CCL28: variants seen among roughly 807,000 people sequenced by gnomAD.
CCL28 encodes C-C motif chemokine 28.
A neutral mutation model predicts 7.1 loss-of-function variants in CCL28; 4 were observed. The observed-to-expected ratio is 0.56, with a 90% CI of 0.28 to 1.29. The LOEUF (loss-of-function observed/expected upper bound fraction) is 1.29. CCL28 is among the 50% of genes most tolerant of loss of function. CCL28 has a pLI of 0.11. For missense variants in CCL28, 151 were observed against 163.4 expected, an observed-to-expected ratio of 0.92 and a Z score of 0.41; for synonymous variants, 55 against 57.8, an observed-to-expected ratio of 0.95 and a Z score of 0.22.
At chr5:43,398,316 T>A (rs571259831) in intron 1 of CCL28, among the ~76,000 whole-genome samples, 4 of 152,284 alleles carry the variant, frequency 2.6e-5, no homozygotes, top group Non-Finnish European at 5.9e-5. Context: ...CTTCACCTCC[T>A]GGCGTCAAGT....
At chr5:43,395,487 G>A (rs1457234840) in intron 1 of CCL28, among the ~76,000 whole-genome samples, 1 of 152,036 alleles carries the variant, frequency 6.6e-6, no homozygotes, top group Non-Finnish European at 1.5e-5. Context: ...GACCAGCCTG[G>A]GCAACATAGT....
chr5:43,382,797 T>G (rs956774925), intron 2 of CCL28, among the ~76,000 whole-genome samples: 2 of 152,112 alleles, frequency 1.3e-5, no homozygotes, highest in African/African-American at 2.4e-5. Flanking sequence ...AGAATGTGCT[T>G]TCATTTTCAT....
At chr5:43,391,897 G>C (rs752073028) in intron 1 of CCL28, among the ~76,000 whole-genome samples, 45 of 152,026 alleles carry the variant, frequency 3.0e-4, no homozygotes, top group Non-Finnish European at 5.6e-4. Context: ...AAATAGTGGG[G>C]CTGGAATTTG....
the CCL28 span, among the ~76,000 whole-genome samples, chr5:43,363,072 T>C: frequency 6.6e-6 from 1 of 152,218 alleles, no homozygotes; most frequent in Non-Finnish European, 1.5e-5. Flanking sequence ...TTACAAGAAC[T>C]AGAGTATTTC....
At chr5:43,409,493 A>T (rs1322279077) in intron 1 of CCL28, among the ~76,000 whole-genome samples, 2 of 152,162 alleles carry the variant, frequency 1.3e-5, no homozygotes, top group Non-Finnish European at 2.9e-5. Flanking sequence ...CACCTATGTC[A>T]GACCTCTTAG....
chr5:43,357,967 T>C, the CCL28 span, among the ~76,000 whole-genome samples: 2 of 152,236 alleles, frequency 1.3e-5, no homozygotes, highest in African/African-American at 4.8e-5. Flanking sequence ...TTGTTTCTGC[T>C]GCCCTGTCAC....
chr5:43,371,799 C>T (rs1739791565), downstream of CCL28, among the ~76,000 whole-genome samples: 1 of 152,200 alleles, frequency 6.6e-6, no homozygotes. Context: ...ACTTATTATA[C>T]ATTAATGGAT....
At chr5:43,365,873 C>T in the CCL28 span, among the ~76,000 whole-genome samples, 4 of 152,196 alleles carry the variant, frequency 2.6e-5, 1 homozygote, top group South Asian at 8.3e-4. Flanking sequence ...ATTCTTTTTT[C>T]TCTAATCTTG....
the CCL28 span, among the ~76,000 whole-genome samples, chr5:43,357,816 G>C: frequency 6.6e-6 from 1 of 152,044 alleles, no homozygotes; most frequent in African/African-American, 2.4e-5. Context: ...TGCAAGACAG[G>C]GGCATGTTAT....
chr5:43,392,212 G>T (rs1318617057), intron 1 of CCL28, among the ~76,000 whole-genome samples: 1 of 152,168 alleles, frequency 6.6e-6, no homozygotes, highest in East Asian at 1.9e-4. Context: ...CGTCTCCGGG[G>T]TTCAAGAGAT....
downstream of CCL28, among the ~76,000 whole-genome samples, chr5:43,378,350 C>CA (rs201915326): frequency 1.1e-4 from 16 of 151,128 alleles, no homozygotes; most frequent in African/African-American, 3.6e-4. Context: ...GACCCTGTCT[C>CA]AAAAAAAAGG....
At chr5:43,395,855 CTTTTT>C (rs35785846) in intron 1 of CCL28, among the ~76,000 whole-genome samples, 2 of 94,234 alleles carry the variant, frequency 2.1e-5, no homozygotes, top group African/African-American at 4.2e-5. Flanking sequence ...TACCCCCCGC[CTTTTT>C]TTTTTTTTTT....
chr5:43,392,092 C>A (rs1490572632), intron 1 of CCL28, among the ~76,000 whole-genome samples: 2 of 151,248 alleles, frequency 1.3e-5, no homozygotes, highest in African/African-American at 4.9e-5. Flanking sequence ...GAGGCTTGAA[C>A]ATTTGCATAT....
the CCL28 span, among the ~76,000 whole-genome samples, chr5:43,367,337 G>A: frequency 6.6e-6 from 1 of 152,194 alleles, no homozygotes. Flanking sequence ...CCAGTTTTGT[G>A]CTTGAAACCC....
At chr5:43,405,249 A>G (rs1741222380) in intron 1 of CCL28, among the ~76,000 whole-genome samples, 1 of 152,210 alleles carries the variant, frequency 6.6e-6, no homozygotes, top group African/African-American at 2.4e-5. Flanking sequence ...AGTTGGAAGT[A>G]AAGCACTGCT....
chr5:43,404,366 A>C (rs186301565), intron 1 of CCL28, among the ~76,000 whole-genome samples: 4 of 152,344 alleles, frequency 2.6e-5, no homozygotes, highest in Non-Finnish European at 5.9e-5. Flanking sequence ...ACATTCTTAA[A>C]GAAAAGAATT....
At chr5:43,376,109 T>A (rs773986781), downstream of CCL28, among the ~76,000 whole-genome samples, 13 of 152,258 alleles carry the variant, frequency 8.5e-5, no homozygotes, top group Non-Finnish European at 1.5e-4. Context: ...TCAACTGATT[T>A]GTGACCTTAA....
intron 1 of CCL28, among the ~76,000 whole-genome samples, chr5:43,399,496 A>AC (rs1740944171): frequency 6.6e-6 from 1 of 151,922 alleles, no homozygotes; most frequent in African/African-American, 2.4e-5. Context: ...CATCTTTGTA[A>AC]CCCCCCACCA....
intron 1 of CCL28, among the ~76,000 whole-genome samples, chr5:43,409,476 G>A (rs1482602297): frequency 6.6e-6 from 1 of 152,118 alleles, no homozygotes; most frequent in Non-Finnish European, 1.5e-5. Context: ...GCATGCACCT[G>A]TAGTCCCACC....
Sources: gnomAD v4.1 joint callset for allele counts (sites outside exome capture counted in the v4.1 genomes callset) on GRCh38, gnomAD v4.1.1 for gene constraint, MANE v1.5 for transcripts, NCBI Gene and HGNC (gene_info 2026-07-23, HGNC 2026-07-21) for gene names.